Variants in PPP2R2C observed in about 807,000 individuals in gnomAD.
The protein encoded by PPP2R2C is protein phosphatase 2, regulatory subunit B, gamma.
PPP2R2C carries 10 observed loss-of-function variants against 45.3 expected under a neutral mutation model. That is an observed-to-expected ratio of 0.22 (90% CI 0.14 to 0.37). The LOEUF is 0.37. Ranked by LOEUF, PPP2R2C falls within the 10% of genes least tolerant of loss-of-function variation. The pLI is 1.00. For missense variants in PPP2R2C, 308 were observed against 619.7 expected (o/e 0.50, Z 5.34); for synonymous variants, 257 against 245.4 (o/e 1.05, Z -0.44).
chr4:6,388,472 G>A (rs996950229), intron 1 of PPP2R2C, among the ~76,000 whole-genome samples: 18 of 152,268 alleles, frequency 1.2e-4, no homozygotes, highest in Middle Eastern at 6.8e-3. Context: ...GTTAAGGTGC[G>A]GTCATACTGG....
chr4:6,414,757 A>G (rs192336220), intron 1 of PPP2R2C, among the ~76,000 whole-genome samples: 8 of 152,162 alleles, frequency 5.3e-5, no homozygotes, highest in Admixed American at 2.6e-4. Flanking sequence ...GGAGAGCCCA[A>G]TGGGAATCAC....
chr4:6,481,548 G>A lies in PPP2R2C; in HGVS notation c.49+53723C>T, dbSNP rs762579366. On this transcript the variant is annotated intron_variant, in intron 2 of 9. Transcript: ENST00000506140. Reference sequence around the variant, plus strand: ...GCCCATGTGGCAGTACTACCCTGCCGTAGAGAGACAGCTTTATAACAAGTC... The same window carrying A: ...GCCCATGTGGCAGTACTACCCTGCCATAGAGAGACAGCTTTATAACAAGTC... Among the ~76,000 whole-genome samples, 8 of 152,248 alleles carry A rather than the reference G, an allele frequency of 5.3e-5. No individual in the cohort carries two copies. The South Asian group carries it at 1.0e-3, about 20-fold the overall frequency.
chr4:6,398,638 A>T (rs1248209443), intron 1 of PPP2R2C, among the ~76,000 whole-genome samples: 1 of 152,196 alleles, frequency 6.6e-6, no homozygotes, highest in African/African-American at 2.4e-5. Flanking sequence ...AGCCCCTCAC[A>T]CACTGCTGGG....
intron 5 of PPP2R2C, among the ~76,000 whole-genome samples, chr4:6,371,939 C>A (rs996224020): frequency 1.3e-4 from 20 of 152,164 alleles, no homozygotes; most frequent in Non-Finnish European, 7.4e-5. Flanking sequence ...GGCTGGTGCT[C>A]ATGTCATCAC....
intron 2 of PPP2R2C, among the ~76,000 whole-genome samples, chr4:6,503,956 G>A (rs2108796282): frequency 6.6e-6 from 1 of 152,326 alleles, no homozygotes; most frequent in East Asian, 1.9e-4. Context: ...AAAAGCAGGT[G>A]GGTACTGGAG....
chr4:6,530,893 T>G (rs10009382), intron 2 of PPP2R2C, among the ~76,000 whole-genome samples: 18,157 of 152,258 alleles, frequency 0.12, 1,398 homozygotes, highest in African/African-American at 0.21. Flanking sequence ...CAGGCTGCTG[T>G]GCACCTGTCA....
chr4:6,328,648 T>G lies in PPP2R2C; in HGVS notation c.1052+614A>C, dbSNP rs1362905369. Among the ~76,000 whole-genome samples, 1 of 152,144 alleles carries G rather than the reference T, an allele frequency of 6.6e-6. No individual in the cohort carries two copies. Among genetic ancestry groups the G allele is most frequent in the Non-Finnish European group, 1.5e-5 (1 of 68,020 alleles). The stretch of plus-strand genomic sequence containing the variant: ...TGCCCGCCCTGGGCTGAGCCCAGGC[T>G]AGGGAGACACAGGAACTCACTTCTG... On this transcript the variant is annotated intron_variant, in intron 8 of 8. Coordinates refer to ENST00000382599, the MANE Select transcript of PPP2R2C (RefSeq NM_020416.4). The surrounding 1 kb of genome is among the most constrained non-coding windows in gnomAD (Gnocchi z 4.4).
intron 2 of PPP2R2C, among the ~76,000 whole-genome samples, chr4:6,530,237 C>T (rs1724350021): frequency 6.6e-6 from 1 of 152,174 alleles, no homozygotes; most frequent in Non-Finnish European, 1.5e-5. Flanking sequence ...CCACTTGTAA[C>T]TGCATCTTGA....
At chr4:6,458,291 G>C (rs780361975) in intron 1 of PPP2R2C, among the ~76,000 whole-genome samples, 38 of 152,290 alleles carry the variant, frequency 2.5e-4, no homozygotes, top group Admixed American at 6.5e-4. Context: ...CATAGACCGG[G>C]TGGCTTATAA....
At chr4:6,395,856 T>C (rs6831994) in intron 1 of PPP2R2C, among the ~76,000 whole-genome samples, 43,940 of 152,066 alleles carry the variant, frequency 0.29, 8,544 homozygotes, top group African/African-American at 0.56. Flanking sequence ...GCAGGCCTTG[T>C]TCCCCAGCTG....
At chr4:6,381,251 C>T (rs1014468158) in intron 1 of PPP2R2C, 157 bp from the exon 2 acceptor site, 19 of 1,534,098 alleles carry the variant, frequency 1.2e-5, no homozygotes, top group Admixed American at 7.9e-5. Flanking sequence ...GGAGCATCGG[C>T]GAGGGGCCAC....
chr4:6,342,569 C>A (rs1052108421), intron 6 of PPP2R2C, among the ~76,000 whole-genome samples: 2 of 152,210 alleles, frequency 1.3e-5, no homozygotes, highest in African/African-American at 2.4e-5. Context: ...CCATCATCGG[C>A]CCCGATTCTA....
intron 1 of PPP2R2C, among the ~76,000 whole-genome samples, chr4:6,550,059 C>T (rs1024417930): frequency 2.0e-5 from 3 of 152,160 alleles, no homozygotes; most frequent in African/African-American, 2.4e-5. Context: ...GAGGTCACAG[C>T]GGGGTAGGGG....
intron 2 of PPP2R2C, among the ~76,000 whole-genome samples, chr4:6,485,337 C>T (rs759572222): frequency 2.0e-5 from 3 of 151,790 alleles, no homozygotes; most frequent in Non-Finnish European, 3.0e-5. Context: ...CATGAGGACA[C>T]GAATTTTTTC....
chr4:6,358,965 T>C (rs1223327515), intron 5 of PPP2R2C, among the ~76,000 whole-genome samples: 1 of 152,172 alleles, frequency 6.6e-6, no homozygotes, highest in Non-Finnish European at 1.5e-5. Flanking sequence ...GAACTAGAAA[T>C]ACCATTTGAC....
chr4:6,560,281 T>G (rs868205861), intron 1 of PPP2R2C, among the ~76,000 whole-genome samples: 6 of 152,370 alleles, frequency 3.9e-5, no homozygotes, highest in South Asian at 4.1e-4. Flanking sequence ...GGGCTGGAAC[T>G]TCTATGTTCT....
chr4:6,409,433 G>A (rs761715819), intron 1 of PPP2R2C, among the ~76,000 whole-genome samples: 2 of 152,140 alleles, frequency 1.3e-5, no homozygotes, highest in African/African-American at 2.4e-5. Context: ...CAGGCACCAG[G>A]CCCACCAGCA....
chr4:6,535,852 A>G (rs1174488911), intron 1 of PPP2R2C, among the ~76,000 whole-genome samples: 1 of 152,156 alleles, frequency 6.6e-6, no homozygotes, highest in Non-Finnish European at 1.5e-5. Flanking sequence ...TGCGGATGAG[A>G]GCACATGGCC....
intron 1 of PPP2R2C, among the ~76,000 whole-genome samples, chr4:6,538,790 C>T (rs1724714781): frequency 6.6e-6 from 1 of 152,174 alleles, no homozygotes; most frequent in South Asian, 2.1e-4. Context: ...TGGAGCTGGC[C>T]GCTCCCCCGC....
Sources: gnomAD v4.1 joint callset for allele counts (sites outside exome capture counted in the v4.1 genomes callset) on GRCh38, gnomAD v4.1.1 for gene constraint, Gnocchi (gnomAD v3.1) non-coding constraint, MANE v1.5 for transcripts, NCBI Gene and HGNC (gene_info 2026-07-23, HGNC 2026-07-21) for gene names.